The following NR5A2 variants were observed in gnomAD, a reference collection of about 807,000 sequenced individuals.
NR5A2 encodes the protein CYP7A promoter-binding factor.
Under a neutral mutation model 62.7 loss-of-function variants are expected in NR5A2, and 26 were observed. The ratio of observed to expected loss-of-function variants is 0.41; its 90% CI spans 0.30 to 0.58. The LOEUF is 0.58. Among genes scored for constraint, NR5A2 ranks in the 20% least tolerant of loss-of-function variants. The pLI, the probability that NR5A2 is intolerant of heterozygous loss-of-function variation, is 0.22. For synonymous variants in NR5A2, 246 were observed against 241.7 expected (o/e 1.02, Z -0.16); for missense variants, 541 against 669.1 (o/e 0.81, Z 2.11).
intron 5 of NR5A2, among the ~76,000 whole-genome samples, chr1:200,096,707 C>T (rs1288252485): frequency 2.0e-5 from 3 of 152,198 alleles, no homozygotes; most frequent in Non-Finnish European, 4.4e-5. Flanking sequence ...CATAACGATG[C>T]TTCATAAATG....
chr1:200,113,212 C>G (rs1281698264), intron 6 of NR5A2, among the ~76,000 whole-genome samples: 1 of 152,156 alleles, frequency 6.6e-6, no homozygotes, highest in Non-Finnish European at 1.5e-5. Flanking sequence ...AGCCTGGATT[C>G]TTCCAGCTCC....
intron 5 of NR5A2, among the ~76,000 whole-genome samples, chr1:200,081,277 G>A (rs529546003): frequency 3.9e-5 from 6 of 152,272 alleles, no homozygotes; most frequent in East Asian, 3.9e-4. Context: ...AGTTGTTTTC[G>A]TCATTTCAGC....
chr1:200,086,750 G>A (rs1272042942), intron 5 of NR5A2, among the ~76,000 whole-genome samples: 2 of 152,150 alleles, frequency 1.3e-5, no homozygotes, highest in Non-Finnish European at 2.9e-5. Context: ...GCTAAAATTG[G>A]GGACAAGGCC....
At chr1:200,098,657 C>T (rs899910716) in intron 5 of NR5A2, among the ~76,000 whole-genome samples, 2 of 151,946 alleles carry the variant, frequency 1.3e-5, no homozygotes, top group Non-Finnish European at 2.9e-5. Flanking sequence ...TGTAGTTGAA[C>T]GAAATGTAGC....
At chr1:200,090,069 C>G (rs888152412) in intron 5 of NR5A2, among the ~76,000 whole-genome samples, 30 of 152,240 alleles carry the variant, frequency 2.0e-4, no homozygotes, top group African/African-American at 7.2e-4. Flanking sequence ...GTAAGATGAT[C>G]GCAATTGCAC....
chr1:200,133,365 G>A (rs905331398), intron 7 of NR5A2, among the ~76,000 whole-genome samples: 1 of 151,842 alleles, frequency 6.6e-6, no homozygotes, highest in Non-Finnish European at 1.5e-5. Flanking sequence ...ATCCATAAAG[G>A]TCAGTGTGTC....
chr1:200,158,359 A>C (rs914395958), intron 7 of NR5A2, among the ~76,000 whole-genome samples: 1 of 152,226 alleles, frequency 6.6e-6, no homozygotes, highest in African/African-American at 2.4e-5. Flanking sequence ...AAGTAGATGC[A>C]AGGGGTTTAA....
chr1:200,102,289 A>G (rs1234179918), intron 5 of NR5A2, among the ~76,000 whole-genome samples: 4 of 152,208 alleles, frequency 2.6e-5, no homozygotes, highest in African/African-American at 9.6e-5. Context: ...AGGATTTGAT[A>G]AGCCTGTTCC....
intron 5 of NR5A2, among the ~76,000 whole-genome samples, chr1:200,079,813 G>A (rs1047327403): frequency 1.3e-5 from 2 of 152,094 alleles, no homozygotes; most frequent in African/African-American, 4.8e-5. Context: ...GGCAAGTGGG[G>A]AATGAAAGAC....
chr1:200,094,992 C>G (rs1665013796), intron 5 of NR5A2, among the ~76,000 whole-genome samples: 1 of 152,106 alleles, frequency 6.6e-6, no homozygotes, highest in Non-Finnish European at 1.5e-5. Flanking sequence ...AACAAGAAGA[C>G]TGGACATATT....
intron 5 of NR5A2, among the ~76,000 whole-genome samples, chr1:200,079,355 A>G (rs984765125): frequency 2.0e-5 from 3 of 152,196 alleles, no homozygotes; most frequent in Non-Finnish European, 4.4e-5. Context: ...CCCCTGGTCC[A>G]TTGCCTTTGA....
intron 1 of NR5A2, among the ~76,000 whole-genome samples, chr1:200,035,058 G>T (rs930659491): frequency 2.0e-5 from 3 of 152,124 alleles, no homozygotes; most frequent in South Asian, 4.1e-4. Context: ...CTTCTGATGG[G>T]TTTTTCGGCT....
rs548386937 is a variant in NR5A2, at chr1:200,155,917, AC to A, written c.1379-18043del. The stretch of plus-strand genomic sequence containing the variant: ...TCGAACTCCTGACCTCAAGTGATCC[AC>A]CCGCTTAGTCTCCCCAAGTGCTGGG... On this transcript the variant is annotated intron_variant, in intron 7 of 7. Transcript: ENST00000367362. Among the ~76,000 whole-genome samples, 844 of 152,088 alleles carry A rather than the reference AC, an allele frequency of 5.5e-3. 5 individuals are homozygous for A. The highest frequency in any genetic ancestry group is 0.019 in the African/African-American group (805 of 41,496).
At chr1:200,143,105 T>C (rs541165577) in intron 7 of NR5A2, among the ~76,000 whole-genome samples, 5 of 152,204 alleles carry the variant, frequency 3.3e-5, no homozygotes, top group African/African-American at 7.2e-5. Flanking sequence ...AGTAAGACTT[T>C]TGGTGGCTGC....
intron 5 of NR5A2, among the ~76,000 whole-genome samples, chr1:200,110,685 C>T (rs1665899146): frequency 6.6e-6 from 1 of 152,172 alleles, no homozygotes; most frequent in South Asian, 2.1e-4. Context: ...ACAAAACGGG[C>T]TGTGTGTCTT....
chr1:200,141,819 G>A (rs1409013692), intron 7 of NR5A2, among the ~76,000 whole-genome samples: 2 of 152,098 alleles, frequency 1.3e-5, no homozygotes, highest in African/African-American at 2.4e-5. Context: ...CTTAACACTT[G>A]GGAAGTCTTT....
intron 2 of NR5A2, among the ~76,000 whole-genome samples, chr1:200,040,320 G>A (rs563065875): frequency 3.3e-5 from 5 of 152,178 alleles, no homozygotes; most frequent in Non-Finnish European, 5.9e-5. Flanking sequence ...CAGCCAGCTC[G>A]GATTTGGACA....
intron 7 of NR5A2, among the ~76,000 whole-genome samples, chr1:200,153,306 A>G (rs1349910541): frequency 6.6e-6 from 1 of 152,244 alleles, no homozygotes; most frequent in Non-Finnish European, 1.5e-5. Context: ...TTCTTTCCAC[A>G]TGCTTTTTTC....
At position 200,147,826 on chromosome 1, in the gene NR5A2, C is replaced by G. The variant is rs2737628; in HGVS notation, c.1379-26137C>G. ...CGTGGCGTCCAGCACCAGGTCCTGG[C>G]TGCAGCCATTGGTGAGCAGTATGGC... On this transcript the variant is annotated intron_variant, in intron 7 of 7. Transcript: ENST00000367362. This position sits in a 1 kb window ranked among gnomAD's most constrained non-coding sequence, Gnocchi z 4.9. The G allele has an allele frequency of 0.27, 126,989 of 476,310 alleles. 18,646 individuals carry two copies. Among genetic ancestry groups the G allele is most frequent in the East Asian group, 0.55 (12,081 of 21,950 alleles). The allele number at this position is 476,310 out of a possible 1,614,324, so 29.5% of individuals were successfully genotyped here.
Sources: allele counts gnomAD v4.1 joint callset (sites outside exome capture counted in the v4.1 genomes callset), GRCh38; gene constraint gnomAD v4.1.1; non-coding constraint Gnocchi (gnomAD v3.1); transcripts MANE v1.5; gene names NCBI Gene and HGNC (gene_info 2026-07-23, HGNC 2026-07-21).